DMD: variants seen among roughly 807,000 people sequenced by gnomAD.
The protein encoded by DMD is mutant dystrophin.
In DMD, 63 loss-of-function variants were observed where a neutral mutation model predicts 330.1. The ratio of observed to expected loss-of-function variants is 0.19; its 90% CI spans 0.16 to 0.24. The LOEUF (loss-of-function observed/expected upper bound fraction) is 0.24, where lower values mean the gene tolerates loss of function less well. Among genes scored for constraint, DMD ranks in the 10% least tolerant of loss-of-function variants. The pLI is 1.00. For missense variants in DMD, 3,344 were observed against 2,684.1 expected, an observed-to-expected ratio of 1.25 and a Z score of -5.43; for synonymous variants, 1,223 against 959.8, an observed-to-expected ratio of 1.27 and a Z score of -5.07.
At chrX:31,321,603 A>AAAAAAAAAAAG (rs2056429128) in intron 62 of DMD, among the ~76,000 whole-genome samples, 3 of 77,034 alleles carry the variant, frequency 3.9e-5, no homozygotes, top group Admixed American at 1.2e-4. Context: ...AAAAAAAAAA[A>AAAAAAAAAAAG]AAAAAAAGAA....
chrX:33,326,263 A>AG (rs1486086717), intron 1 of DMD, among the ~76,000 whole-genome samples: 1 of 111,162 alleles, frequency 9.0e-6, no homozygotes, highest in Non-Finnish European at 1.9e-5. Flanking sequence ...TAAAAAAAAA[A>AG]AAAGAATAGA....
At chrX:33,314,570 G>GTTTTTTTTTTTTTTTTTTTTTT (rs1170142842) in intron 1 of DMD, among the ~76,000 whole-genome samples, 5 of 79,052 alleles carry the variant, frequency 6.3e-5, no homozygotes, top group Non-Finnish European at 9.2e-5. Flanking sequence ...TTTTTTTTTT[G>GTTTTTTTTTTTTTTTTTTTTTT]TTTTTTTTTT....
At chrX:32,419,992 C>A (rs1603633091) in intron 29 of DMD, among the ~76,000 whole-genome samples, 1 of 111,624 alleles carries the variant, frequency 9.0e-6, no homozygotes, top group South Asian at 3.8e-4. Flanking sequence ...GTCTTCTGCC[C>A]TGACAGGAGC....
At chrX:33,037,808 A>G (rs2147901121) in intron 1 of DMD, among the ~76,000 whole-genome samples, 1 of 112,407 alleles carries the variant, frequency 8.9e-6, no homozygotes, top group South Asian at 3.6e-4. Flanking sequence ...ATGGAAAAAT[A>G]AATTGGTATA....
intron 25 of DMD, among the ~76,000 whole-genome samples, chrX:32,461,913 A>G (rs1417901414): frequency 1.8e-5 from 2 of 110,998 alleles, no homozygotes; most frequent in East Asian, 2.8e-4. Context: ...AACAGAACCA[A>G]TGAACACTTG....
intron 2 of DMD, among the ~76,000 whole-genome samples, chrX:32,853,004 T>G (rs745666740): frequency 8.9e-6 from 1 of 111,798 alleles, no homozygotes; most frequent in Non-Finnish European, 1.9e-5. Flanking sequence ...TCCAAAAAGC[T>G]TAACAACAAC....
intron 9 of DMD, among the ~76,000 whole-genome samples, chrX:32,685,980 T>G (rs1426302440): frequency 1.8e-5 from 2 of 111,663 alleles, no homozygotes; most frequent in Non-Finnish European, 3.8e-5. Flanking sequence ...ATATTTTTCT[T>G]TACATTGACA....
At chrX:32,982,543 C>A (rs1213359490) in intron 2 of DMD, among the ~76,000 whole-genome samples, 1 of 111,636 alleles carries the variant, frequency 9.0e-6, no homozygotes, top group East Asian at 2.8e-4. Context: ...TTTTTCCCTT[C>A]CTCTTCCCAC....
chrX:32,427,398 T>G (rs1190554544), intron 29 of DMD, among the ~76,000 whole-genome samples: 1 of 110,871 alleles, frequency 9.0e-6, no homozygotes, highest in African/African-American at 3.3e-5. Context: ...AGATAATATT[T>G]TGGGAATAAT....
At chrX:31,991,761 T>A (rs866847679) in intron 44 of DMD, among the ~76,000 whole-genome samples, 5 of 88,710 alleles carry the variant, frequency 5.6e-5, no homozygotes, top group South Asian at 6.2e-4. Flanking sequence ...TTACAGACTT[T>A]AAAAAAAAAA....
chrX:32,838,493 G>T (rs996498092), intron 4 of DMD, among the ~76,000 whole-genome samples: 1 of 110,545 alleles, frequency 9.0e-6, no homozygotes, highest in African/African-American at 3.3e-5. Context: ...CAGAACATGC[G>T]GTGTTTGGTT....
chrX:32,694,776 C>G (rs751149262), intron 9 of DMD, among the ~76,000 whole-genome samples: 11 of 111,481 alleles, frequency 9.9e-5, no homozygotes, highest in Non-Finnish European at 1.9e-4. Context: ...CCTGCCTCAG[C>G]CTCCCGAGTA....
chrX:32,349,996 T>C (rs1352560217), intron 37 of DMD, among the ~76,000 whole-genome samples: 2 of 111,490 alleles, frequency 1.8e-5, no homozygotes, highest in African/African-American at 6.5e-5. Flanking sequence ...ATCATAACTA[T>C]ACAATTATCA....
At chrX:33,146,676 C>A (rs1314246200) in intron 1 of DMD, among the ~76,000 whole-genome samples, 1 of 111,283 alleles carries the variant, frequency 9.0e-6, no homozygotes, top group Non-Finnish European at 1.9e-5. Flanking sequence ...AGTAGAGGGA[C>A]GTGCTCACAG....
intron 74 of DMD, among the ~76,000 whole-genome samples, chrX:31,154,859 C>T (rs1210545733): frequency 9.0e-6 from 1 of 111,291 alleles, no homozygotes; most frequent in Non-Finnish European, 1.9e-5. Flanking sequence ...AATTCAAATT[C>T]AATACACATG....
chrX:31,716,408 G>A (rs1375557623), intron 52 of DMD, among the ~76,000 whole-genome samples: 2 of 111,063 alleles, frequency 1.8e-5, no homozygotes, highest in Admixed American at 9.6e-5. Flanking sequence ...AAAATTAGCC[G>A]GGCATGGTGG....
At chrX:32,942,316 G>A (rs1026000694) in intron 2 of DMD, among the ~76,000 whole-genome samples, 10 of 112,261 alleles carry the variant, frequency 8.9e-5, no homozygotes, top group Admixed American at 1.9e-4. Flanking sequence ...GCCGAGGCGG[G>A]TGGATCACCT....
At chrX:32,749,130 T>G (rs764057093) in intron 7 of DMD, among the ~76,000 whole-genome samples, 1 of 112,010 alleles carries the variant, frequency 8.9e-6, no homozygotes, top group East Asian at 2.8e-4. Flanking sequence ...ACTAGACTGA[T>G]TAGTAAATGT....
At chrX:33,292,875 C>T (rs2053532262) in intron 1 of DMD, among the ~76,000 whole-genome samples, 1 of 110,767 alleles carries the variant, frequency 9.0e-6, no homozygotes, top group African/African-American at 3.3e-5. Flanking sequence ...TCTACTCCAA[C>T]CACACAAGTC....
Sources: gnomAD v4.1 joint callset for allele counts (sites outside exome capture counted in the v4.1 genomes callset) on GRCh38, gnomAD v4.1.1 for gene constraint, MANE v1.5 for transcripts, NCBI Gene and HGNC (gene_info 2026-07-23, HGNC 2026-07-21) for gene names.